HOATZ: variants seen among roughly 807,000 people sequenced by gnomAD.
The protein encoded by HOATZ is cilia- and flagella-associated protein HOATZ.
HOATZ carries 26 observed loss-of-function variants against 24.9 expected under a neutral mutation model. The ratio of observed to expected loss-of-function variants is 1.04; its 90% CI spans 0.76 to 1.45. HOATZ has a LOEUF of 1.45. Ranked by LOEUF, HOATZ falls within the 40% of genes most tolerant of loss-of-function variation. The pLI is 0.00. For synonymous variants in HOATZ, 83 were observed against 76.6 expected, an observed-to-expected ratio of 1.08 and a Z score of -0.43; for missense variants, 226 against 201.5, an observed-to-expected ratio of 1.12 and a Z score of -0.74.
intron 3 of HOATZ, among the ~76,000 whole-genome samples, chr11:111,528,159 CA>C (rs61382111): frequency 8.8e-5 from 13 of 147,382 alleles, no homozygotes; most frequent in Middle Eastern, 7.0e-3. Context: ...TCATCTCTAC[CA>C]AAAAAAAAAA....
rs199531156 is a variant in HOATZ at position 111,536,820 on chromosome 11, T to G, written c.503T>G (p.Leu168Trp). ...GAGGACCAAGAAGAAGTCAAAACTT[T>G]GGACTAATTTGCTTGACACATGGCA... Reference protein sequence around the residue: ...DKEDQEEVKTLD With the variant: ...DKEDQEEVKTWD The change falls in exon 6 of 6, where the codon TTG becomes TGG. Residue 168 changes from leucine to tryptophan, a missense_variant. Transcript: ENST00000375618. 6.2e-7 allele frequency: 1 copy of G among 1,613,674 alleles called. No individual in the cohort carries two copies. Among genetic ancestry groups the G allele is most frequent in the Non-Finnish European group, 8.5e-7 (1 of 1,179,660 alleles).
At chr11:111,515,609 A>C in intron 2 of HOATZ, 57 bp downstream of exon 2, 1 of 1,388,448 alleles carries the variant, frequency 7.2e-7, no homozygotes, top group South Asian at 1.2e-5. Flanking sequence ...ATCAGAAAAT[A>C]GACAATAAGT....
At chr11:111,515,301 A>G (rs2135770602) in intron 1 of HOATZ, among the ~76,000 whole-genome samples, 1 of 152,338 alleles carries the variant, frequency 6.6e-6, no homozygotes, top group South Asian at 2.1e-4. Context: ...CTGAAAGGAT[A>G]GTTTACATAG....
chr11:111,534,385 T>C, intron 4 of HOATZ, 27 bp from the exon 5 acceptor site: 1 of 1,578,262 alleles, frequency 6.3e-7, no homozygotes, highest in Non-Finnish European at 8.7e-7. Flanking sequence ...ATTTTACCTT[T>C]TTGATTTTTA....
At chr11:111,522,596 G>A (rs550378721) in intron 3 of HOATZ, among the ~76,000 whole-genome samples, 15 of 152,260 alleles carry the variant, frequency 9.9e-5, no homozygotes, top group African/African-American at 3.4e-4. Flanking sequence ...GTCACATAAA[G>A]TGTGGTCAAG....
At chr11:111,532,467 A>G (rs1253072145) in intron 3 of HOATZ, among the ~76,000 whole-genome samples, 1 of 152,244 alleles carries the variant, frequency 6.6e-6, no homozygotes, top group Non-Finnish European at 1.5e-5. Flanking sequence ...GACAATTGCC[A>G]CGTGAAGACA....
At chr11:111,527,603 A>G (rs1381223925) in intron 3 of HOATZ, among the ~76,000 whole-genome samples, 2 of 152,216 alleles carry the variant, frequency 1.3e-5, no homozygotes, top group African/African-American at 2.4e-5. Flanking sequence ...CTCACTGATT[A>G]TTCAGCCTGT....
chr11:111,535,671 T>C (rs1446015877), intron 5 of HOATZ: 1 of 152,398 alleles, frequency 6.6e-6, no homozygotes, highest in South Asian at 2.1e-4. Context: ...TCTTCTTTTT[T>C]TTTTTGAGAC....
chr11:111,529,263 G>C (rs685243), intron 3 of HOATZ, among the ~76,000 whole-genome samples: 127,085 of 152,202 alleles, frequency 0.83, 56,221 homozygotes, highest in East Asian at 1. Context: ...ATGATGACTA[G>C]ATTACTAAAG....
At chr11:111,528,985 C>T (rs1052919748) in intron 3 of HOATZ, among the ~76,000 whole-genome samples, 5 of 152,164 alleles carry the variant, frequency 3.3e-5, no homozygotes, top group Middle Eastern at 3.2e-3. Flanking sequence ...TTCATTTTTA[C>T]GTGGTTTAGT....
intron 3 of HOATZ, among the ~76,000 whole-genome samples, chr11:111,532,593 T>C (rs1037271973): frequency 5.9e-5 from 9 of 152,214 alleles, no homozygotes; most frequent in Non-Finnish European, 5.9e-5. Flanking sequence ...AAAGAAACCC[T>C]ATAGGTTTCA....
At chr11:111,522,784 G>A (rs2135776461) in intron 3 of HOATZ, among the ~76,000 whole-genome samples, 1 of 151,964 alleles carries the variant, frequency 6.6e-6, no homozygotes, top group East Asian at 1.9e-4. Flanking sequence ...AATATCCGTA[G>A]CACTTGCATG....
At chr11:111,521,194 A>G (rs2135775361) in intron 3 of HOATZ, among the ~76,000 whole-genome samples, 1 of 152,286 alleles carries the variant, frequency 6.6e-6, no homozygotes, top group African/African-American at 2.4e-5. Context: ...CTTCCCATTT[A>G]GCTAATACCT....
Position 111,536,875 on chromosome 11 carries a change from G to C in HOATZ, c.*48G>C. 1.4e-6 allele frequency: 2 copies of C among 1,417,864 alleles called. No individual in the cohort carries two copies. The highest frequency in any genetic ancestry group is 2.0e-6 in the Non-Finnish European group (2 of 1,001,742). The allele number at this position is 1,417,864 out of a possible 1,614,324, so 87.8% of individuals were successfully genotyped here. ...ATGGCTCACTTATACCTTCACTTTG[G>C]AAACAACCTTCTCTTAGATCAGGAT... is the stretch of plus-strand genomic sequence containing the variant. On this transcript the variant is annotated 3_prime_UTR_variant, in exon 6 of 6. Transcript: ENST00000375618.
chr11:111,516,811 C>T (rs980336587), intron 3 of HOATZ, among the ~76,000 whole-genome samples: 1 of 152,172 alleles, frequency 6.6e-6, no homozygotes, highest in Non-Finnish European at 1.5e-5. Context: ...GTCATCTAGA[C>T]CTGTTTTGAC....
In HOATZ at chr11:111,534,438, A is replaced by T; in HGVS notation, c.426A>T (p.Lys142Asn). The T allele has an allele frequency of 1.9e-6, 3 of 1,612,132 alleles. No homozygotes were observed. Among genetic ancestry groups the T allele is most frequent in the Non-Finnish European group, 2.5e-6 (3 of 1,178,280 alleles). ...AAGAACTGATTTCCCTTCCGTATAA[A>T]CCAAAAGCCAAAGAACACAAAGCAA... is the stretch of plus-strand genomic sequence containing the variant. ...ISKELISLPY[K>N]PKAKEHKAKK... is the part of the protein sequence containing the mutation. The change falls in exon 5 of 6, where the codon AAA (lysine) becomes AAT (asparagine). Residue 142 changes from lysine (K) to asparagine (N), a missense_variant. Lys to Asn is a moderately conservative substitution (Grantham distance 94). Coordinates refer to ENST00000375618, the MANE Select transcript of HOATZ (RefSeq NM_001100388.2).
chr11:111,528,732 T>C (rs1272579758), intron 3 of HOATZ, among the ~76,000 whole-genome samples: 2 of 152,262 alleles, frequency 1.3e-5, no homozygotes, highest in Admixed American at 6.5e-5. Context: ...GCAGAGACTA[T>C]ATTTTTCTTC....
At chr11:111,515,774 T>C (rs764699118) in intron 2 of HOATZ, among the ~76,000 whole-genome samples, 5 of 152,240 alleles carry the variant, frequency 3.3e-5, no homozygotes, top group Non-Finnish European at 5.9e-5. Flanking sequence ...CCTGCAGATA[T>C]GCTCTCTTTC....
chr11:111,522,483 C>T (rs1867280743), intron 3 of HOATZ, among the ~76,000 whole-genome samples: 1 of 152,122 alleles, frequency 6.6e-6, no homozygotes, highest in Non-Finnish European at 1.5e-5. Context: ...CTATCTAACG[C>T]AAGATGAAAA....
Sources: allele counts gnomAD v4.1 joint callset (sites outside exome capture counted in the v4.1 genomes callset), GRCh38; gene constraint gnomAD v4.1.1; transcripts MANE v1.5; gene names NCBI Gene and HGNC (gene_info 2026-07-23, HGNC 2026-07-21).